Variants in PCDH11X observed in about 807,000 individuals in gnomAD.
PCDH11X encodes the protein protocadherin 11 X-linked.
PCDH11X carries 18 observed loss-of-function variants against 53.3 expected under a neutral mutation model. The observed-to-expected ratio is 0.34, with a 90% CI of 0.23 to 0.50. The LOEUF (loss-of-function observed/expected upper bound fraction) is 0.50. Among genes scored for constraint, PCDH11X ranks in the 20% least tolerant of loss-of-function variants. The pLI, the probability that PCDH11X is intolerant of heterozygous loss-of-function variation, is 0.98. For missense variants in PCDH11X, 570 were observed against 1,032.4 expected (o/e 0.55, Z 6.14); for synonymous variants, 279 against 393.3 (o/e 0.71, Z 3.44).
chrX:91,983,522 G>T (rs955215674), intron 6 of PCDH11X: 2 of 503,442 alleles, frequency 4.0e-6, no homozygotes, highest in Non-Finnish European at 7.2e-6. Flanking sequence ...CTTAGAGGTG[G>T]TGGCAGTGGG....
Position 92,294,800 on chromosome X carries a change from A to G in PCDH11X, c.3144+31657A>G, listed in dbSNP as rs1452664735. ...GAACTGCTGTTTGGAGATTCATAAA[A>G]ATAAATAGTAATTATTGGATTCAAG... On this transcript the variant is annotated intron_variant, in intron 8 of 10. Coordinates refer to ENST00000682573, the MANE Select transcript of PCDH11X (RefSeq NM_032968.5). Among the ~76,000 whole-genome samples, 5 of 105,530 alleles carry G rather than the reference A, an allele frequency of 4.7e-5. No homozygotes were observed. In the East Asian group the frequency reaches 1.2e-3, roughly 25 times the overall value. The allele number at this position is 105,530 out of a possible 115,157, so 91.6% of individuals were successfully genotyped here. A position where few individuals can be genotyped will look rare whatever the true frequency, so the allele number is the denominator to read the frequency against.
chrX:91,925,756 C>T (rs1289511451), intron 6 of PCDH11X, among the ~76,000 whole-genome samples: 4 of 110,934 alleles, frequency 3.6e-5, no homozygotes, highest in Non-Finnish European at 7.6e-5. Context: ...AGAAGAAAGA[C>T]TCTCAAGATT....
At chrX:92,147,457 G>A (rs1363558918) in intron 6 of PCDH11X, among the ~76,000 whole-genome samples, 1 of 111,782 alleles carries the variant, frequency 8.9e-6, no homozygotes, top group African/African-American at 3.2e-5. Context: ...ACTGATTTGA[G>A]CCAGCAAAAG....
intron 10 of PCDH11X, among the ~76,000 whole-genome samples, chrX:92,591,493 T>G (rs1206486600): frequency 9.0e-6 from 1 of 111,149 alleles, no homozygotes; most frequent in East Asian, 2.9e-4. Context: ...GAATAGAATG[T>G]GTATTTAGGA....
At chrX:92,344,875 A>C (rs897477321) in intron 8 of PCDH11X, among the ~76,000 whole-genome samples, 1 of 108,001 alleles carries the variant, frequency 9.3e-6, no homozygotes, top group Non-Finnish European at 1.9e-5. Flanking sequence ...GATAAATCTG[A>C]TAAGAGTATT....
At chrX:92,118,704 A>C (rs774446644) in intron 6 of PCDH11X, among the ~76,000 whole-genome samples, 50 of 91,903 alleles carry the variant, frequency 5.4e-4, no homozygotes, top group African/African-American at 2.0e-3. Context: ...CTAAGCATGC[A>C]TATTATTGGT....
At chrX:92,098,526 A>G (rs1365294904) in intron 6 of PCDH11X, among the ~76,000 whole-genome samples, 1 of 110,981 alleles carries the variant, frequency 9.0e-6, no homozygotes, top group East Asian at 2.8e-4. Context: ...TTAGGACACT[A>G]GCTAAAATCT....
chrX:92,518,533 A>T (rs1006465326), intron 10 of PCDH11X, among the ~76,000 whole-genome samples: 1 of 111,344 alleles, frequency 9.0e-6, no homozygotes, highest in Non-Finnish European at 1.9e-5. Flanking sequence ...AAAGGAGCCA[A>T]TGTTTTATAT....
chrX:92,315,301 A>G (rs757527233), intron 8 of PCDH11X, among the ~76,000 whole-genome samples: 72 of 112,218 alleles, frequency 6.4e-4, no homozygotes, highest in African/African-American at 2.2e-3. Context: ...GCATCTATCC[A>G]TTAAATTTTA....
At chrX:92,441,478 T>G (rs751610677) in intron 9 of PCDH11X, among the ~76,000 whole-genome samples, 1 of 112,015 alleles carries the variant, frequency 8.9e-6, no homozygotes, top group African/African-American at 3.2e-5. Context: ...TGGTGCCCTG[T>G]GTCCCAGCTG....
intron 10 of PCDH11X, among the ~76,000 whole-genome samples, chrX:92,572,095 A>G (rs1371953577): frequency 8.9e-6 from 1 of 112,510 alleles, no homozygotes; most frequent in Non-Finnish European, 1.9e-5. Context: ...TGTCCTCTTT[A>G]ACATTCTAAT....
intron 6 of PCDH11X, among the ~76,000 whole-genome samples, chrX:92,170,782 G>GT (rs1283041202): frequency 4.0e-5 from 4 of 100,643 alleles, no homozygotes; most frequent in Non-Finnish European, 8.1e-5. Context: ...TTCTTGTTTT[G>GT]TTTTTTTGTT....
chrX:91,802,077 G>C (rs1329831030), intron 1 of PCDH11X, among the ~76,000 whole-genome samples: 1 of 113,182 alleles, frequency 8.8e-6, no homozygotes, highest in African/African-American at 3.2e-5. Context: ...TGTTTAAGGA[G>C]CAATGCTGAC....
chrX:92,586,454 G>T (rs1358513725), intron 10 of PCDH11X, among the ~76,000 whole-genome samples: 1 of 106,245 alleles, frequency 9.4e-6, no homozygotes, highest in Non-Finnish European at 1.9e-5. Context: ...TGGAACTATG[G>T]ATTGATTAAT....
chrX:92,458,051 A>G (rs1379108688), intron 9 of PCDH11X, among the ~76,000 whole-genome samples: 1 of 108,891 alleles, frequency 9.2e-6, no homozygotes, highest in Non-Finnish European at 1.9e-5. Flanking sequence ...TATATGATCA[A>G]TATAAGTACT....
intron 6 of PCDH11X, among the ~76,000 whole-genome samples, chrX:92,122,135 A>G (rs913521981): frequency 9.2e-6 from 1 of 109,153 alleles, no homozygotes; most frequent in Admixed American, 1.0e-4. Context: ...GGTGTCTGCC[A>G]CCACGCCCGG....
chrX:92,383,702 C>T (rs1480831905), intron 8 of PCDH11X, among the ~76,000 whole-genome samples: 1 of 112,047 alleles, frequency 8.9e-6, no homozygotes, highest in Non-Finnish European at 1.9e-5. Context: ...GTATGTGCCA[C>T]ATTTTCTTAA....
intron 6 of PCDH11X, among the ~76,000 whole-genome samples, chrX:91,974,716 C>G (rs921268543): frequency 1.9e-4 from 21 of 108,885 alleles, no homozygotes; most frequent in Admixed American, 4.9e-4. Flanking sequence ...CAGGCCTTTG[C>G]CTAGAGGCGT....
intron 5 of PCDH11X, among the ~76,000 whole-genome samples, chrX:91,853,848 C>CT (rs1003868767): frequency 9.2e-6 from 1 of 108,954 alleles, no homozygotes; most frequent in African/African-American, 3.4e-5. Flanking sequence ...AATGTATTTA[C>CT]TTTTTTCTTT....
Sources: allele counts gnomAD v4.1 joint callset (sites outside exome capture counted in the v4.1 genomes callset), GRCh38; gene constraint gnomAD v4.1.1; transcripts MANE v1.5; gene names NCBI Gene and HGNC (gene_info 2026-07-23, HGNC 2026-07-21).